The following ASTN2 variants were observed in gnomAD, a reference collection of about 807,000 sequenced individuals.
The protein encoded by ASTN2 is astrotactin-2.
A neutral mutation model predicts 139.8 loss-of-function variants in ASTN2; 54 were observed. The observed-to-expected ratio is 0.39, with a 90% CI of 0.31 to 0.48. The LOEUF (loss-of-function observed/expected upper bound fraction) is 0.48, where lower values mean the gene tolerates loss of function less well. Ranked by LOEUF, ASTN2 falls within the 20% of genes least tolerant of loss-of-function variation. The probability of loss-of-function intolerance (pLI) is 0.95; values close to 1 mark genes in which losing one functional copy is unlikely to be tolerated. For synonymous variants in ASTN2, 756 were observed against 719.5 expected (o/e 1.05, Z -0.81); for missense variants, 1,565 against 1,725.1 (o/e 0.91, Z 1.64).
intron 1 of ASTN2, among the ~76,000 whole-genome samples, chr9:117,333,350 A>C (rs1828777214): frequency 6.6e-6 from 1 of 152,196 alleles, no homozygotes; most frequent in South Asian, 2.1e-4. Context: ...GTTCTCTTGC[A>C]AAGGAAAATT....
intron 1 of ASTN2, among the ~76,000 whole-genome samples, chr9:117,348,155 A>G (rs968979349): frequency 6.6e-6 from 1 of 152,194 alleles, no homozygotes; most frequent in African/African-American, 2.4e-5. Context: ...CTGGCACTTC[A>G]GGTCAACCCG....
intron 1 of ASTN2, among the ~76,000 whole-genome samples, chr9:117,396,649 T>C (rs976957721): frequency 6.6e-6 from 1 of 152,062 alleles, no homozygotes; most frequent in Non-Finnish European, 1.5e-5. Context: ...CACTGCAAAC[T>C]CCGCTTCCTG....
rs764837048 is a variant in ASTN2 at position 116,651,562 on chromosome 9, A to T, written c.3038T>A (p.Leu1013His). 6.2e-7 allele frequency: 1 copy of T among 1,614,182 alleles called. No homozygotes were observed. ...GCCATTGTCTTGGATGAGGGTATAA[A>T]GTGGCACCACACGGTTGATTTCCAG... is the stretch of plus-strand genomic sequence containing the variant. ...VLLEINRVVP[L>H]YTLIQDNGTK... The change falls in exon 17 of 23, where the codon CTT becomes CAT. Residue 1013 changes from leucine (L) to histidine (H), a missense_variant. Physicochemically the swap from Leu to His is moderately conservative, Grantham distance 99. Transcript: ENST00000313400.
chr9:117,346,549 A>G (rs966559491), intron 1 of ASTN2, among the ~76,000 whole-genome samples: 9 of 152,184 alleles, frequency 5.9e-5, no homozygotes, highest in Admixed American at 4.6e-4. Context: ...CAATTCTTTC[A>G]TTTTACAGAC....
chr9:116,811,324 G>A lies in ASTN2; in HGVS notation c.2208-5504C>T, dbSNP rs573367271. On this transcript the variant is annotated intron_variant, in intron 12 of 22. Transcript: ENST00000313400. ...TTTGCCCACACCCCATAAGTCTGAC[G>A]TGCAGCCCTCATGCTCCTGCTCATT... Among the ~76,000 whole-genome samples the A allele has an allele frequency of 5.3e-5, 8 of 152,228 alleles. No homozygotes were observed. The South Asian group carries it at 8.3e-4, about 16-fold the overall frequency.
chr9:116,770,996 C>A (rs1410207637), intron 13 of ASTN2, among the ~76,000 whole-genome samples: 13 of 152,202 alleles, frequency 8.5e-5, no homozygotes, highest in Admixed American at 7.9e-4. Context: ...CCAGAAAGAC[C>A]AAACCATTTA....
chr9:116,626,163 T>G (rs1327951228), intron 17 of ASTN2, among the ~76,000 whole-genome samples: 1 of 123,386 alleles, frequency 8.1e-6, no homozygotes, highest in Admixed American at 7.8e-5. Flanking sequence ...TGTTTTTTTT[T>G]TTTTTTTTTT....
Position 117,301,430 on chromosome 9 carries a change from C to A in ASTN2, c.443-9917G>T, listed in dbSNP as rs114677760. Among the ~76,000 whole-genome samples the A allele has an allele frequency of 2.8e-3, 422 of 152,240 alleles. 1 individual carries two copies. The highest frequency in any genetic ancestry group is 9.7e-3 in the African/African-American group (403 of 41,556). ...CAGGCTAAGGGCTTTCATTCATTGT[C>A]GCATTTAGCCCTCATAGGAAACCCA... On this transcript the variant is annotated intron_variant, in intron 1 of 22. Coordinates refer to ENST00000313400, the MANE Select transcript of ASTN2 (RefSeq NM_001365068.1).
At chr9:116,825,935 G>A (rs1831611159) in intron 11 of ASTN2, among the ~76,000 whole-genome samples, 1 of 152,182 alleles carries the variant, frequency 6.6e-6, no homozygotes, top group African/African-American at 2.4e-5. Context: ...TTCTAAAGAG[G>A]GAGAGGGAAG....
intron 17 of ASTN2, among the ~76,000 whole-genome samples, chr9:116,632,128 A>AAGAGAGAG (rs145360209): frequency 0.015 from 732 of 47,728 alleles, 17 homozygotes; most frequent in East Asian, 0.038. Context: ...AAAGAAAAAG[A>AAGAGAGAG]AGAGAGAGAG....
chr9:116,679,482 A>G (rs1240400318), intron 16 of ASTN2, among the ~76,000 whole-genome samples: 2 of 152,128 alleles, frequency 1.3e-5, no homozygotes, highest in African/African-American at 4.8e-5. Flanking sequence ...AATATGACTT[A>G]GTATATGTTA....
At chr9:116,503,664 T>C (rs1480822191) in intron 19 of ASTN2, among the ~76,000 whole-genome samples, 1 of 152,144 alleles carries the variant, frequency 6.6e-6, no homozygotes, top group Non-Finnish European at 1.5e-5. Flanking sequence ...ACATATACTA[T>C]ATATACACAC....
At chr9:116,461,524 T>C (rs1437413029) in intron 20 of ASTN2, among the ~76,000 whole-genome samples, 1 of 152,108 alleles carries the variant, frequency 6.6e-6, no homozygotes, top group African/African-American at 2.4e-5. Flanking sequence ...CTCTCCTACA[T>C]AAAAGCTATC....
chr9:116,813,023 TA>T (rs1831209593), intron 12 of ASTN2, among the ~76,000 whole-genome samples: 2 of 152,168 alleles, frequency 1.3e-5, no homozygotes, highest in Admixed American at 1.3e-4. Flanking sequence ...GGGTTTTTTT[TA>T]AATTTTATTT....
chr9:116,526,562 C>G (rs1452048100), intron 19 of ASTN2, among the ~76,000 whole-genome samples: 1 of 149,448 alleles, frequency 6.7e-6, no homozygotes, highest in Admixed American at 6.7e-5. Context: ...TCAGAAGTTG[C>G]AGTGAGCTGA....
chr9:117,327,628 T>C (rs1319904814), intron 1 of ASTN2, among the ~76,000 whole-genome samples: 1 of 151,998 alleles, frequency 6.6e-6, no homozygotes, highest in Non-Finnish European at 1.5e-5. Context: ...ACAGTACTGG[T>C]GTGTCTGGGG....
At chr9:117,402,449 T>C (rs893663129) in intron 1 of ASTN2, among the ~76,000 whole-genome samples, 13 of 152,162 alleles carry the variant, frequency 8.5e-5, no homozygotes, top group African/African-American at 3.1e-4. Flanking sequence ...AATGACTGCT[T>C]AGCTTGAAAA....
chr9:116,492,167 C>T (rs566883122), intron 19 of ASTN2, among the ~76,000 whole-genome samples: 15 of 151,824 alleles, frequency 9.9e-5, no homozygotes, highest in Non-Finnish European at 1.9e-4. Flanking sequence ...CTGCAACTTC[C>T]ACCTCCCGGG....
intron 22 of ASTN2, among the ~76,000 whole-genome samples, chr9:116,431,930 TAA>T (rs60695252): frequency 0.016 from 2,491 of 152,272 alleles, 78 homozygotes; most frequent in African/African-American, 0.058. Flanking sequence ...AATGTAAAGC[TAA>T]AGTCCTCTAA....
Sources: gnomAD v4.1 joint callset for allele counts (sites outside exome capture counted in the v4.1 genomes callset) on GRCh38, gnomAD v4.1.1 for gene constraint, MANE v1.5 for transcripts, NCBI Gene and HGNC (gene_info 2026-07-23, HGNC 2026-07-21) for gene names.